DDX60: variants seen among roughly 807,000 people sequenced by gnomAD.
DDX60 encodes the protein DExD/H-box helicase 60, also known as probable ATP-dependent RNA helicase DDX60.
DDX60 carries 165 observed loss-of-function variants against 212.8 expected under a neutral mutation model. That is an observed-to-expected ratio of 0.78 (90% CI 0.68 to 0.88). The LOEUF is 0.88. Among genes scored for constraint, DDX60 ranks in the 40% least tolerant of loss-of-function variants. The pLI, the probability that DDX60 is intolerant of heterozygous loss-of-function variation, is 0.00. For synonymous variants in DDX60, 703 were observed against 685.3 expected, an observed-to-expected ratio of 1.03 and a Z score of -0.40; for missense variants, 1,905 against 2,003.9, an observed-to-expected ratio of 0.95 and a Z score of 0.94.
chr4:168,323,575 G>A (rs522085), upstream of DDX60, among the ~76,000 whole-genome samples: 97,362 of 152,046 alleles, frequency 0.64, 33,258 homozygotes, highest in East Asian at 0.85. Context: ...TCTGAGAAGT[G>A]AAATGCACCT....
At position 168,237,419 on chromosome 4, in the gene DDX60, T is replaced by A. The variant is rs781493292; in HGVS notation, c.4278A>T (p.Leu1426Phe). 2.6e-6 allele frequency: 4 copies of A among 1,567,102 alleles called. No individual in the cohort carries two copies. The Admixed American group carries it at 7.8e-5, about 31-fold the overall frequency. ...SLQFLVKEGYLDQEGNPMGFA... is the reference protein window; with the variant it reads ...SLQFLVKEGYFDQEGNPMGFA... ...ACCCCATAGGATTACCTTCTTGATC[T>A]AAATAGCCCTAAAGAACAAAAAACA... Residue 1426 changes from leucine to phenylalanine, a missense_variant, in exon 32 of 38, where the codon TTA (leucine) becomes TTT (phenylalanine). Coordinates refer to ENST00000393743, the MANE Select transcript of DDX60 (RefSeq NM_017631.6).
At chr4:168,265,121 T>C (rs1311829770) in intron 22 of DDX60, among the ~76,000 whole-genome samples, 1 of 152,152 alleles carries the variant, frequency 6.6e-6, no homozygotes, top group Non-Finnish European at 1.5e-5. Flanking sequence ...CCAAAGACAC[T>C]GTCCTTAGCC....
At chr4:168,293,387 C>T (rs1736192722) in intron 7 of DDX60, among the ~76,000 whole-genome samples, 1 of 152,152 alleles carries the variant, frequency 6.6e-6, no homozygotes, top group Non-Finnish European at 1.5e-5. Flanking sequence ...GTTACCTGGA[C>T]TATTTGAACT....
chr4:168,297,702 G>C lies in DDX60; in HGVS notation c.724-3757C>G, dbSNP rs573730040. 2.0e-5 allele frequency among the ~76,000 whole-genome samples: 3 copies of C among 151,846 alleles called. No homozygotes were observed. The South Asian group carries it at 6.2e-4, about 32-fold the overall frequency. On this transcript the variant is annotated intron_variant, in intron 6 of 37. Coordinates refer to ENST00000393743, the MANE Select transcript of DDX60 (RefSeq NM_017631.6). The stretch of plus-strand genomic sequence containing the variant: ...TTTGGGAGGCTGGGGCCAGGAGTTC[G>C]AGACCAGCCTAGAAAACATGACAAA...
intron 13 of DDX60, among the ~76,000 whole-genome samples, chr4:168,280,913 G>A (rs1181617460): frequency 6.6e-6 from 1 of 152,198 alleles, no homozygotes; most frequent in Non-Finnish European, 1.5e-5. Flanking sequence ...GCTGAGGCTG[G>A]AGGATCATCT....
chr4:168,274,966 A>C (rs957374422), intron 16 of DDX60, among the ~76,000 whole-genome samples: 2 of 152,342 alleles, frequency 1.3e-5, no homozygotes, highest in Middle Eastern at 3.4e-3. Flanking sequence ...CAATGTGTAA[A>C]TATCTAAACA....
At chr4:168,289,766 C>T (rs550514441) in intron 8 of DDX60, among the ~76,000 whole-genome samples, 4 of 152,240 alleles carry the variant, frequency 2.6e-5, no homozygotes, top group African/African-American at 9.6e-5. Context: ...CTATTTGACT[C>T]CTTCCTTTCC....
At chr4:168,220,981 A>C (rs1468114171) in intron 36 of DDX60, among the ~76,000 whole-genome samples, 1 of 152,196 alleles carries the variant, frequency 6.6e-6, no homozygotes, top group Non-Finnish European at 1.5e-5. Context: ...AAACAGGAAA[A>C]TAAAGCTCAG....
At position 168,267,950 on chromosome 4, in the gene DDX60, T is replaced by G. The variant is rs1279966853; in HGVS notation, c.2820A>C (p.Gln940His). ...TATTATTTTCAATTATTTTGTCTTCTTGTTTCCAGTACCATTTTACCGATT... is the reference window on the plus strand; with the variant it reads ...TATTATTTTCAATTATTTTGTCTTCGTGTTTCCAGTACCATTTTACCGATT... Reference protein sequence around the residue: ...WLQSVKWYWKQEDKIIENNTA... With the variant: ...WLQSVKWYWKHEDKIIENNTA... Residue 940 changes from glutamine to histidine, a missense_variant, in exon 21 of 38, where the codon CAA (glutamine) becomes CAC (histidine). Gln to His is a conservative substitution (Grantham distance 24). Coordinates refer to ENST00000393743, the MANE Select transcript of DDX60 (RefSeq NM_017631.6). 2 of 1,613,044 alleles carry G rather than the reference T, an allele frequency of 1.2e-6. No individual in the cohort carries two copies. Among genetic ancestry groups the G allele is most frequent in the African/African-American group, 2.7e-5 (2 of 75,022 alleles).
chr4:168,324,056 A>G, the DDX60 span, among the ~76,000 whole-genome samples: 2 of 152,216 alleles, frequency 1.3e-5, no homozygotes, highest in Non-Finnish European at 2.9e-5. Flanking sequence ...GCAATGTGGC[A>G]TCTGGCAAGA....
chr4:168,318,220 G>A (rs116055663), intron 1 of DDX60, among the ~76,000 whole-genome samples: 532 of 152,322 alleles, frequency 3.5e-3, no homozygotes, highest in African/African-American at 0.012. Flanking sequence ...CTACAAGTCT[G>A]GAGCAGGGAT....
At chr4:168,317,499 G>A (rs746435988) in intron 1 of DDX60, among the ~76,000 whole-genome samples, 91 of 152,100 alleles carry the variant, frequency 6.0e-4, no homozygotes, top group Admixed American at 1.4e-3. Flanking sequence ...GAAGGGAAAG[G>A]AAATCATGGA....
At chr4:168,246,038 C>T (rs1486509962) in intron 30 of DDX60, among the ~76,000 whole-genome samples, 1 of 152,084 alleles carries the variant, frequency 6.6e-6, no homozygotes, top group East Asian at 1.9e-4. Context: ...AACACTTAAA[C>T]CTTTTTGTTA....
chr4:168,263,062 CAG>C (rs916867754), intron 22 of DDX60, among the ~76,000 whole-genome samples: 2 of 152,178 alleles, frequency 1.3e-5, no homozygotes, highest in African/African-American at 4.8e-5. Context: ...TAATTGAAAT[CAG>C]AGCGATGGGA....
chr4:168,248,176 AT>A lies in DDX60; in HGVS notation c.3963+11del, dbSNP rs749961804. On this transcript the variant is annotated intron_variant, in intron 29 of 37. Transcript: ENST00000393743. ...AGCAATACAATAAGCAAGTTTATGC[AT>A]TTTGCAATACCTGTCTATAATTCAA... is the stretch of plus-strand genomic sequence containing the variant. 1 of 1,574,976 alleles carries A rather than the reference AT, an allele frequency of 6.3e-7. No homozygotes were observed. The highest frequency in any genetic ancestry group is 8.6e-7 in the Non-Finnish European group (1 of 1,159,134).
chr4:168,302,748 G>A (rs1736699624), intron 5 of DDX60, among the ~76,000 whole-genome samples: 1 of 151,914 alleles, frequency 6.6e-6, no homozygotes, highest in Admixed American at 6.6e-5. Flanking sequence ...TCTAATTTTA[G>A]AACACTTCCA....
At chr4:168,307,543 A>C (rs779315908) in intron 4 of DDX60, among the ~76,000 whole-genome samples, 10 of 152,112 alleles carry the variant, frequency 6.6e-5, no homozygotes, top group Non-Finnish European at 1.2e-4. Context: ...TCCTGGGCTC[A>C]AGTAATCCTC....
chr4:168,221,579 A>T, intron 36 of DDX60, 151 bp downstream of exon 36: 1 of 761,086 alleles, frequency 1.3e-6, no homozygotes, highest in Non-Finnish European at 1.9e-6. Context: ...TCTTGCCATT[A>T]GTCTCTAAAA....
At chr4:168,273,194 G>T in intron 18 of DDX60, 85 bp downstream of exon 18, 1 of 1,299,194 alleles carries the variant, frequency 7.7e-7, no homozygotes. Flanking sequence ...CACAAGCCTT[G>T]TGAAGATGTT....
Sources: gnomAD v4.1 joint callset for allele counts (sites outside exome capture counted in the v4.1 genomes callset) on GRCh38, gnomAD v4.1.1 for gene constraint, MANE v1.5 for transcripts, NCBI Gene and HGNC (gene_info 2026-07-23, HGNC 2026-07-21) for gene names.